RASGRP4: variants seen among roughly 807,000 people sequenced by gnomAD.
RASGRP4 encodes RAS guanyl-releasing protein 4.
RASGRP4 carries 52 observed loss-of-function variants against 84.4 expected under a neutral mutation model. The observed-to-expected ratio is 0.62, with a 90% confidence interval of 0.49 to 0.78. The LOEUF is 0.78. Ranked by LOEUF, RASGRP4 falls within the 30% of genes least tolerant of loss-of-function variation. The probability of loss-of-function intolerance (pLI) is 0.00; values close to 1 mark genes in which losing one functional copy is unlikely to be tolerated. For synonymous variants in RASGRP4, 356 were observed against 359.1 expected (o/e 0.99, Z 0.10); for missense variants, 760 against 886.9 (o/e 0.86, Z 1.82).
rs1473948350 is a variant in RASGRP4, at chr19:38,409,263, G to C, written c.*777C>G. 6.1e-6 allele frequency: 1 copy of C among 164,202 alleles called. No homozygotes were observed. The highest frequency in any genetic ancestry group is 2.4e-5 in the African/African-American group (1 of 41,740). The allele number at this position is 164,202 out of a possible 1,614,324, so 10.2% of individuals were successfully genotyped here. On this transcript the variant is annotated 3_prime_UTR_variant, in exon 17 of 17. Transcript: ENST00000615439. The stretch of plus-strand genomic sequence containing the variant: ...TGGGTAAGGAGACATTCAGGCATCA[G>C]ACAAGCATCTGTCAGGCGCCTACCA...
chr19:38,411,299 G>T (rs1032825872), intron 14 of RASGRP4, 46 bp downstream of exon 14: 2 of 1,611,902 alleles, frequency 1.2e-6, no homozygotes, highest in African/African-American at 2.7e-5. Context: ...CATTCTTCCA[G>T]CCTGCGGGCC....
rs76896162 is a variant in RASGRP4 at position 38,410,727 on chromosome 19, A to G, written c.1965+159T>C. 1.9e-3 allele frequency among the ~76,000 whole-genome samples: 287 copies of G among 152,152 alleles called. 6 individuals are homozygous for G. The East Asian group carries it at 0.037, about 19-fold the overall frequency. On this transcript the variant is annotated intron_variant, in intron 16 of 16. Transcript: ENST00000615439. ...CCACACCCAGCCTATTTTTCTATCA[A>G]TATTAAAAAGTAACCAGTATCCATA...
At chr19:38,420,837 G>C in intron 4 of RASGRP4, 71 bp downstream of exon 4, 1 of 1,478,300 alleles carries the variant, frequency 6.8e-7, no homozygotes, top group Non-Finnish European at 9.5e-7. Flanking sequence ...ATTCTCTGAG[G>C]AATGTTTTTT....
chr19:38,413,680 G>T lies in RASGRP4; in HGVS notation c.1231-206C>A, dbSNP rs1165346943. Among the ~76,000 whole-genome samples the T allele has an allele frequency of 6.6e-6, 1 of 152,160 alleles. No homozygotes were observed. The highest frequency in any genetic ancestry group is 1.9e-4 in the East Asian group (1 of 5,184). The stretch of plus-strand genomic sequence containing the variant: ...ACAGTAAGGGTCCCGACCTCATAGG[G>T]TTGTAAGGTGGAATGAGGTACCTGG... On this transcript the variant is annotated intron_variant, in intron 9 of 16. Coordinates refer to ENST00000615439, the MANE Select transcript of RASGRP4 (RefSeq NM_170604.3). This position sits in a 1 kb window ranked among gnomAD's most constrained non-coding sequence, Gnocchi z 4.7.
chr19:38,419,838 G>T, intron 6 of RASGRP4, 22 bp downstream of exon 6: 1 of 1,566,736 alleles, frequency 6.4e-7, no homozygotes, highest in East Asian at 2.4e-5. Flanking sequence ...TGCTTGGGAC[G>T]GGGATGGGAG....
chr19:38,413,595 G>T lies in RASGRP4; in HGVS notation c.1231-121C>A. 1 of 806,634 alleles carries T rather than the reference G, an allele frequency of 1.2e-6. No homozygotes were observed. Among genetic ancestry groups the T allele is most frequent in the Non-Finnish European group, 2.0e-6 (1 of 491,582 alleles). The allele number at this position is 806,634 out of a possible 1,614,324, so 50.0% of individuals were successfully genotyped here. On this transcript the variant is annotated intron_variant, in intron 9 of 16. Transcript: ENST00000615439. The surrounding 1 kb of genome is among the most constrained non-coding windows in gnomAD (Gnocchi z 4.7). ...TTCAAATCCTGGCATTACTGCTGTG[G>T]GACAGTGGGCAAGGGACCTCACCTC... is the stretch of plus-strand genomic sequence containing the variant.
intron 5 of RASGRP4, 46 bp from the exon 6 acceptor site, chr19:38,420,059 G>A (rs772795559): frequency 6.2e-6 from 10 of 1,609,776 alleles, no homozygotes; most frequent in Non-Finnish European, 8.5e-6. Flanking sequence ...CACAGTTGAG[G>A]GCTTGGGGAT....
chr19:38,414,599 C>T (rs10411217), intron 9 of RASGRP4, among the ~76,000 whole-genome samples: 48,143 of 151,166 alleles, frequency 0.32, 11,597 homozygotes, highest in African/African-American at 0.68. Flanking sequence ...GTGTTGGGAT[C>T]ACAGGCGTGA....
In RASGRP4 at chr19:38,411,347, C is replaced by A. The variant is rs776295355; in HGVS notation, c.1715G>T (p.Arg572Leu). The change falls in exon 14 of 17, where the codon CGG (arginine) becomes CTG (leucine). Residue 572 changes from arginine (R) to leucine (L), a missense_variant and splice_region_variant. Transcript: ENST00000615439. ...WGVTKQGYRC[R>L]ECGLCCHKHC... is the part of the protein sequence containing the mutation. ...CCACTCACTGACACCCCACTCACCC[C>A]GACAGCGGTAGCCTTGCTTGGTGAC... The A allele has an allele frequency of 5.0e-6, 8 of 1,601,168 alleles. No individual in the cohort carries two copies. The African/African-American group carries it at 9.4e-5, about 19-fold the overall frequency.
intron 1 of RASGRP4, among the ~76,000 whole-genome samples, chr19:38,424,507 ACTCCTGG>A (rs1971902737): frequency 6.7e-6 from 1 of 149,608 alleles, no homozygotes; most frequent in South Asian, 2.1e-4. Flanking sequence ...GTAACCTTGA[ACTCCTGG>A]ACTCGAGTGA....
At chr19:38,415,171 C>T (rs1178354762) in intron 8 of RASGRP4, 48 bp from the exon 9 acceptor site, 1 of 1,498,798 alleles carries the variant, frequency 6.7e-7, no homozygotes, top group Non-Finnish European at 9.0e-7. Flanking sequence ...ACAGTCCCAT[C>T]CCCTGAGCAG....
intron 8 of RASGRP4, among the ~76,000 whole-genome samples, chr19:38,416,768 C>T (rs1452757337): frequency 6.6e-6 from 1 of 152,174 alleles, no homozygotes; most frequent in Non-Finnish European, 1.5e-5. Flanking sequence ...CCAGTCCTCC[C>T]CATGGGGACT....
rs1159859469 is a variant in RASGRP4 at position 38,411,259 on chromosome 19, G to A, written c.1718-10C>T. ...CAACACAGCCCGCACTCTGGGGGAA[G>A]GCAGCGGCAGGGGTCCGATCTGTGT... On this transcript the variant is annotated splice_polypyrimidine_tract_variant and intron_variant, in intron 14 of 16. Transcript: ENST00000615439. 3.7e-6 allele frequency: 6 copies of A among 1,613,936 alleles called. No individual in the cohort carries two copies. Among genetic ancestry groups the A allele is most frequent in the South Asian group, 1.1e-5 (1 of 91,070 alleles).
At chr19:38,421,702 ACT>A (rs754053064) in intron 2 of RASGRP4, among the ~76,000 whole-genome samples, 1 of 151,628 alleles carries the variant, frequency 6.6e-6, no homozygotes, top group East Asian at 1.9e-4. Context: ...ACAGAGCGAG[ACT>A]CTGTCTCAAA....
chr19:38,424,618 G>GC (rs1343663348), intron 1 of RASGRP4, among the ~76,000 whole-genome samples: 1 of 120,308 alleles, frequency 8.3e-6, no homozygotes, highest in African/African-American at 3.6e-5. Context: ...TGTGTCAATG[G>GC]GGGGGGGGGT....
At chr19:38,416,267 C>A (rs1392065237) in intron 8 of RASGRP4, among the ~76,000 whole-genome samples, 1 of 151,568 alleles carries the variant, frequency 6.6e-6, no homozygotes, top group African/African-American at 2.4e-5. Context: ...AGTTTGAGAC[C>A]AGCCTGGCCA....
At position 38,418,548 on chromosome 19, in the gene RASGRP4, C is replaced by T. The variant is rs756520734; in HGVS notation, c.680G>A (p.Ser227Asn). 4.4e-5 allele frequency: 68 copies of T among 1,532,476 alleles called. No individual in the cohort carries two copies. The highest frequency in any genetic ancestry group is 5.9e-5 in the Non-Finnish European group (67 of 1,137,294). 94.9% of individuals were successfully genotyped at this position (1,532,476 alleles called of 1,614,324 possible). The change falls in exon 7 of 17, where the codon AGC becomes AAC. Residue 227 changes from serine to asparagine, a missense_variant. Physicochemically the swap from Ser to Asn is conservative, Grantham distance 46. Coordinates refer to ENST00000615439, the MANE Select transcript of RASGRP4 (RefSeq NM_170604.3). This position sits in a 1 kb window ranked among gnomAD's most constrained non-coding sequence, Gnocchi z 4.6. ...FQAITPQDLR[S>N]YVLQGSVRGC... Reference sequence around the variant, plus strand: ...TCGTACTGAGCCCTGCAAAACGTAGCTCCGCAGGTCCTGGGGCTGGGAGCG... The same window carrying T: ...TCGTACTGAGCCCTGCAAAACGTAGTTCCGCAGGTCCTGGGGCTGGGAGCG...
Position 38,413,527 on chromosome 19 carries a change from C to T in RASGRP4, c.1231-53G>A, listed in dbSNP as rs1308940159. ...CTCCCATCTATAGCCCTGCCCCAGA[C>T]CCCCACACCCACTCGCAGGCTCTTC... On this transcript the variant is annotated intron_variant, in intron 9 of 16. Transcript: ENST00000615439. This position sits in a 1 kb window ranked among gnomAD's most constrained non-coding sequence, Gnocchi z 4.7. 2.8e-6 allele frequency: 4 copies of T among 1,433,590 alleles called. No homozygotes were observed. The highest frequency in any genetic ancestry group is 1.4e-5 in the African/African-American group (1 of 70,648). 88.8% of individuals were successfully genotyped at this position (1,433,590 alleles called of 1,614,324 possible). A position where few individuals can be genotyped will look rare whatever the true frequency, so the allele number is the denominator to read the frequency against.
At position 38,417,899 on chromosome 19, in the gene RASGRP4, G is replaced by T. The variant is rs552112439; in HGVS notation, c.837+492C>A. On this transcript the variant is annotated intron_variant, in intron 7 of 16. Coordinates refer to ENST00000615439, the MANE Select transcript of RASGRP4 (RefSeq NM_170604.3). This position sits in a 1 kb window ranked among gnomAD's most constrained non-coding sequence, Gnocchi z 5.1. ...GGGCGCGGCCACAGCGGGGCCGTAG[G>T]GCTTCCCTTTTCCCCAGAAGGGCGA... Among the ~76,000 whole-genome samples the T allele has an allele frequency of 6.6e-6, 1 of 152,252 alleles. No homozygotes were observed. Among genetic ancestry groups the T allele is most frequent in the Non-Finnish European group, 1.5e-5 (1 of 68,010 alleles).
Sources: allele counts gnomAD v4.1 joint callset (sites outside exome capture counted in the v4.1 genomes callset), GRCh38; gene constraint gnomAD v4.1.1; non-coding constraint Gnocchi (gnomAD v3.1); transcripts MANE v1.5; gene names NCBI Gene and HGNC (gene_info 2026-07-23, HGNC 2026-07-21).